CEP135: variants seen among roughly 807,000 people sequenced by gnomAD.
CEP135 encodes the protein centrosomal protein of 135 kDa.
In CEP135, 142 loss-of-function variants were observed where a neutral mutation model predicts 157.3. The ratio of observed to expected loss-of-function variants is 0.90; its 90% CI spans 0.79 to 1.04. CEP135 has a LOEUF of 1.04. CEP135 is among the 50% of genes least tolerant of loss of function. The pLI, the probability that CEP135 is intolerant of heterozygous loss-of-function variation, is 0.00. For synonymous variants in CEP135, 396 were observed against 439.8 expected (o/e 0.90, Z 1.25); for missense variants, 1,317 against 1,309.2 (o/e 1.01, Z -0.09).
chr4:55,986,737 G>A (rs530579298), intron 14 of CEP135, among the ~76,000 whole-genome samples: 2 of 151,996 alleles, frequency 1.3e-5, no homozygotes, highest in African/African-American at 4.8e-5. Flanking sequence ...TGAGATTTGG[G>A]GTACAATTGA....
At chr4:55,956,639 T>C (rs1019472850) in intron 4 of CEP135, among the ~76,000 whole-genome samples, 1 of 152,104 alleles carries the variant, frequency 6.6e-6, no homozygotes, top group Non-Finnish European at 1.5e-5. Context: ...AGATGGAGTT[T>C]CACTCTTGTT....
intron 10 of CEP135, among the ~76,000 whole-genome samples, chr4:55,972,455 C>T (rs750484963): frequency 7.9e-5 from 12 of 152,178 alleles, no homozygotes; most frequent in African/African-American, 2.4e-4. Flanking sequence ...TAGTTTTCTA[C>T]GCAGAGGAAA....
chr4:56,026,166 G>T (rs1031069069), intron 25 of CEP135, among the ~76,000 whole-genome samples: 1 of 152,002 alleles, frequency 6.6e-6, no homozygotes, highest in South Asian at 2.1e-4. Flanking sequence ...CCCAGATCGC[G>T]CCACTGCACT....
At position 55,962,500 on chromosome 4, in the gene CEP135, C is replaced by G. The variant is rs528430686; in HGVS notation, c.700-1774C>G. On this transcript the variant is annotated intron_variant, in intron 6 of 25. Coordinates refer to ENST00000257287, the MANE Select transcript of CEP135 (RefSeq NM_025009.5). The stretch of plus-strand genomic sequence containing the variant: ...TTACTTGATATCTCCATTTCTGTCT[C>G]TGCTTCTCCACCTCCTGCTCACTCC... 3.3e-5 allele frequency among the ~76,000 whole-genome samples: 5 copies of G among 152,306 alleles called. No individual in the cohort carries two copies. The South Asian group carries it at 1.0e-3, about 32-fold the overall frequency.
At position 55,952,033 on chromosome 4, in the gene CEP135, A is replaced by C. The variant is rs1577860418; in HGVS notation, c.-45-53A>C. On this transcript the variant is annotated intron_variant, in intron 1 of 25. Coordinates refer to ENST00000257287, the MANE Select transcript of CEP135 (RefSeq NM_025009.5). The stretch of plus-strand genomic sequence containing the variant: ...AAAATAATTTTTTCTTCTTATTGTG[A>C]AACAACAATCATAGCTATAATAAGA... The C allele has an allele frequency of 8.5e-6, 5 of 585,954 alleles. No individual in the cohort carries two copies. The East Asian group carries it at 1.4e-4, about 17-fold the overall frequency. 36.3% of individuals were successfully genotyped at this position (585,954 alleles called of 1,614,324 possible).
Position 55,980,197 on chromosome 4 carries a change from C to T in CEP135, c.1528C>T (p.Arg510Cys), listed in dbSNP as rs778189963. Residue 510 changes from arginine to cysteine, a missense_variant, in exon 12 of 26, where the codon CGT becomes TGT. By Grantham distance (180) the Arg-to-Cys change is radical. Transcript: ENST00000257287. ...QITRERDELQ[R>C]MLERFEKYME... is the part of the protein sequence containing the mutation. ...CACAAGAGAAAGAGATGAACTTCAG[C>T]GTATGCTAGAAAGATTTGAAAAATA... is the stretch of plus-strand genomic sequence containing the variant. 8.6e-5 allele frequency: 138 copies of T among 1,609,110 alleles called. No homozygotes were observed. Among genetic ancestry groups the T allele is most frequent in the Non-Finnish European group, 1.1e-4 (129 of 1,176,568 alleles).
At chr4:56,019,054 A>G (rs1456199107) in intron 22 of CEP135, among the ~76,000 whole-genome samples, 1 of 152,182 alleles carries the variant, frequency 6.6e-6, no homozygotes, top group Non-Finnish European at 1.5e-5. Context: ...GAAGGGTCTC[A>G]TTGCCCTTGT....
rs1415666412 is a variant in CEP135, at chr4:55,954,244, A to G, written c.333A>G (p.Ala111=). Residue 111 remains alanine (A), a synonymous_variant, in exon 4 of 26, where the codon GCA becomes GCG. Coordinates refer to ENST00000257287, the MANE Select transcript of CEP135 (RefSeq NM_025009.5). The part of the protein sequence containing the change: ...KELKTSLKKC[A]RETADLKFLN... The stretch of plus-strand genomic sequence containing the variant: ...TGAAAACTTCATTGAAGAAATGTGC[A>G]CGTGAAACAGCTGATCTGAAATTTC... The G allele has an allele frequency of 6.2e-7, 1 of 1,601,022 alleles. No homozygotes were observed. Among genetic ancestry groups the G allele is most frequent in the Non-Finnish European group, 8.5e-7 (1 of 1,175,182 alleles).
chr4:56,024,713 G>A (rs533949252), intron 25 of CEP135, 99 bp downstream of exon 25: 16 of 778,556 alleles, frequency 2.1e-5, no homozygotes, highest in African/African-American at 1.9e-4. Flanking sequence ...GCCTGGTAAG[G>A]CGTTCAGGAG....
rs546711598 is a variant in CEP135, at chr4:55,964,414, T to C, written c.828+12T>C. 1 of 1,579,766 alleles carries C rather than the reference T, an allele frequency of 6.3e-7. No individual in the cohort carries two copies. Among genetic ancestry groups the C allele is most frequent in the African/African-American group, 1.4e-5 (1 of 73,858 alleles). ...ATTTAAATATTCAGGTAATGGCTTT[T>C]ATAATTATTTCACTGAGTGTATATA... On this transcript the variant is annotated intron_variant, in intron 7 of 25. Transcript: ENST00000257287.
intron 21 of CEP135, among the ~76,000 whole-genome samples, chr4:56,017,000 T>G (rs1025162320): frequency 6.6e-6 from 1 of 152,158 alleles, no homozygotes; most frequent in African/African-American, 2.4e-5. Context: ...AATTTTATTT[T>G]TCAATGCAGA....
In CEP135 at chr4:56,031,947, TAGA is replaced by T. The variant is rs772366655; in HGVS notation, c.*604_*606del. On this transcript the variant is annotated 3_prime_UTR_variant, in exon 26 of 26. Transcript: ENST00000257287. ...CCATATATAACGTGTTATTGCCATC[TAGA>T]AGAACTATGATGAGAAAGATACATT... The T allele has an allele frequency of 3.9e-5, 6 of 152,216 alleles. No homozygotes were observed. The highest frequency in any genetic ancestry group is 9.6e-5 in the African/African-American group (4 of 41,454). 9.4% of individuals were successfully genotyped at this position (152,216 alleles called of 1,614,324 possible).
At chr4:56,014,374 A>C (rs897518473) in intron 21 of CEP135, among the ~76,000 whole-genome samples, 49 of 152,220 alleles carry the variant, frequency 3.2e-4, no homozygotes, top group Non-Finnish European at 1.2e-4. Context: ...AAATAGGGAC[A>C]TGAAAGGCAA....
chr4:56,020,530 A>C lies in CEP135; in HGVS notation c.3216-146A>C, dbSNP rs185467477. 3 of 652,778 alleles carry C rather than the reference A, an allele frequency of 4.6e-6. No individual in the cohort carries two copies. In the East Asian group the frequency reaches 8.1e-5, roughly 18 times the overall value. 40.4% of individuals were successfully genotyped at this position (652,778 alleles called of 1,614,324 possible). A position where few individuals can be genotyped will look rare whatever the true frequency, so the allele number is the denominator to read the frequency against. On this transcript the variant is annotated intron_variant, in intron 23 of 25. Coordinates refer to ENST00000257287, the MANE Select transcript of CEP135 (RefSeq NM_025009.5). ...GTTTCATAAATAAACTAAATGAATGAAAAAGAAAATGTGATAAAAGCTCTA... is the reference window on the plus strand; with the variant it reads ...GTTTCATAAATAAACTAAATGAATGCAAAAGAAAATGTGATAAAAGCTCTA...
intron 4 of CEP135, 94 bp from the exon 5 acceptor site, chr4:55,957,129 A>G (rs1560397171): frequency 3.8e-6 from 5 of 1,315,054 alleles, no homozygotes; most frequent in Non-Finnish European, 5.3e-6. Flanking sequence ...TGAACTGCAG[A>G]CACACTTTAT....
chr4:56,024,746 G>A (rs1339508108), intron 25 of CEP135, 132 bp downstream of exon 25: 1 of 623,398 alleles, frequency 1.6e-6, no homozygotes, highest in Admixed American at 2.6e-5. Flanking sequence ...TAATGGAAAA[G>A]TTCTATATCT....
At chr4:55,985,879 G>A (rs183464161) in intron 14 of CEP135, among the ~76,000 whole-genome samples, 6 of 152,258 alleles carry the variant, frequency 3.9e-5, no homozygotes, top group Admixed American at 3.9e-4. Flanking sequence ...ATTAGAGGCT[G>A]CAGTGAGCCA....
At chr4:56,007,510 A>G (rs1324847649) in intron 17 of CEP135, among the ~76,000 whole-genome samples, 3 of 152,138 alleles carry the variant, frequency 2.0e-5, no homozygotes, top group Non-Finnish European at 4.4e-5. Flanking sequence ...AGTAATAGAG[A>G]AGAGTTTCCA....
intron 6 of CEP135, 127 bp from the exon 7 acceptor site, chr4:55,964,147 A>G: frequency 1.2e-6 from 1 of 826,856 alleles, no homozygotes. Flanking sequence ...TATGGACACA[A>G]ATATGAATGT....
Sources: gnomAD v4.1 joint callset for allele counts (sites outside exome capture counted in the v4.1 genomes callset) on GRCh38, gnomAD v4.1.1 for gene constraint, MANE v1.5 for transcripts, NCBI Gene and HGNC (gene_info 2026-07-23, HGNC 2026-07-21) for gene names.